The following TMEM178B variants were observed in gnomAD, a reference collection of about 807,000 sequenced individuals.
The protein encoded by TMEM178B is transmembrane protein 178B.
In TMEM178B, 5 loss-of-function variants were observed where a neutral mutation model predicts 31.0. The ratio of observed to expected loss-of-function variants is 0.16; its 90% CI spans 0.08 to 0.34. TMEM178B has a LOEUF of 0.34. TMEM178B is among the 10% of genes least tolerant of loss of function. The probability of loss-of-function intolerance (pLI) is 1.00; values close to 1 mark genes in which losing one functional copy is unlikely to be tolerated. For synonymous variants in TMEM178B, 164 were observed against 164.0 expected (o/e 1.00, Z 0.00); for missense variants, 275 against 400.3 (o/e 0.69, Z 2.67).
At chr7:141,173,278 C>T (rs969939342) in intron 1 of TMEM178B, 7 of 152,170 alleles carry the variant, frequency 4.6e-5, no homozygotes, top group African/African-American at 1.7e-4. Flanking sequence ...GTAAGCTCCT[C>T]GAAGGCAAGA....
chr7:141,142,909 G>A (rs915331702), intron 1 of TMEM178B, among the ~76,000 whole-genome samples: 3 of 152,184 alleles, frequency 2.0e-5, no homozygotes, highest in African/African-American at 7.2e-5. Context: ...TTTAATAGTA[G>A]CCATTCTGAG....
intron 2 of TMEM178B, among the ~76,000 whole-genome samples, chr7:141,329,932 G>A (rs1011999899): frequency 1.3e-5 from 2 of 152,194 alleles, no homozygotes; most frequent in Admixed American, 6.5e-5. Flanking sequence ...GTTAACGAAC[G>A]TGGTGGACAC....
intron 2 of TMEM178B, among the ~76,000 whole-genome samples, chr7:141,235,249 A>T (rs1335802762): frequency 6.6e-6 from 1 of 152,210 alleles, no homozygotes; most frequent in East Asian, 1.9e-4. Context: ...ATATGTTCTT[A>T]TATTAATAAT....
At chr7:141,345,659 A>G (rs1377718007) in intron 2 of TMEM178B, among the ~76,000 whole-genome samples, 2 of 152,222 alleles carry the variant, frequency 1.3e-5, no homozygotes, top group Non-Finnish European at 2.9e-5. Context: ...AAAATGCAAA[A>G]GGAGATCTCA....
intron 2 of TMEM178B, among the ~76,000 whole-genome samples, chr7:141,410,777 C>T (rs1800972076): frequency 6.6e-6 from 1 of 152,146 alleles, no homozygotes; most frequent in African/African-American, 2.4e-5. Flanking sequence ...ATCATGCAAT[C>T]TCTTGTTGCT....
chr7:141,266,554 G>T (rs1798097748), intron 2 of TMEM178B, among the ~76,000 whole-genome samples: 2 of 152,168 alleles, frequency 1.3e-5, no homozygotes. Context: ...CAAAGGTGTG[G>T]TTCCTGCAGG....
At chr7:141,208,247 G>T (rs904677904) in intron 1 of TMEM178B, among the ~76,000 whole-genome samples, 9 of 152,070 alleles carry the variant, frequency 5.9e-5, no homozygotes, top group African/African-American at 1.9e-4. Flanking sequence ...CCACAGGAAG[G>T]AGCCACCCCT....
chr7:141,409,549 T>C (rs562465346), intron 2 of TMEM178B, among the ~76,000 whole-genome samples: 178 of 152,246 alleles, frequency 1.2e-3, no homozygotes, highest in Non-Finnish European at 2.1e-3. Context: ...TCCACACATA[T>C]TTGGTATTTT....
At chr7:141,229,910 G>GT (rs2129191353) in intron 2 of TMEM178B, among the ~76,000 whole-genome samples, 1 of 152,302 alleles carries the variant, frequency 6.6e-6, no homozygotes, top group Non-Finnish European at 1.5e-5. Flanking sequence ...ACAAACTACT[G>GT]TTGTGGTGTA....
At chr7:141,109,078 A>G (rs1215808495) in intron 1 of TMEM178B, among the ~76,000 whole-genome samples, 1 of 152,176 alleles carries the variant, frequency 6.6e-6, no homozygotes, top group East Asian at 1.9e-4. Flanking sequence ...GACCGCCCCC[A>G]TGATTCAATT....
rs577968265 is a variant in TMEM178B at position 141,443,784 on chromosome 7, T to C, written c.634+6039T>C. On this transcript the variant is annotated intron_variant, in intron 3 of 3. Transcript: ENST00000565468. ...CTGTAGGATGGAGTAGCTATCTAATTTGGAATTCTTCTGCGTGGGAGGAGG... is the reference window on the plus strand; with the variant it reads ...CTGTAGGATGGAGTAGCTATCTAATCTGGAATTCTTCTGCGTGGGAGGAGG... Among the ~76,000 whole-genome samples, 155 of 152,306 alleles carry C rather than the reference T, an allele frequency of 1.0e-3. 2 individuals are homozygous for C. Among genetic ancestry groups the C allele is most frequent in the African/African-American group, 3.7e-3 (152 of 41,562 alleles).
chr7:141,158,840 C>T (rs1446026683), intron 1 of TMEM178B, among the ~76,000 whole-genome samples: 1 of 152,112 alleles, frequency 6.6e-6, no homozygotes, highest in Admixed American at 6.5e-5. Context: ...TGTCTTGGTC[C>T]TGTGGGTGAC....
At chr7:141,505,804 G>A in the TMEM178B span, among the ~76,000 whole-genome samples, 14 of 152,202 alleles carry the variant, frequency 9.2e-5, no homozygotes, top group Non-Finnish European at 8.8e-5. Context: ...CTCTGGCCTT[G>A]CAGAATTTCC....
intron 2 of TMEM178B, among the ~76,000 whole-genome samples, chr7:141,215,338 T>TTATTATTATTATTATTATTATTA (rs999641567): frequency 4.0e-5 from 1 of 24,928 alleles, no homozygotes; most frequent in African/African-American, 6.8e-5. Flanking sequence ...ATTATTATTA[T>TTATTATTATTATTATTATTATTA]TTTTTGAGAT....
chr7:141,208,258 G>C (rs1373357357), intron 1 of TMEM178B, among the ~76,000 whole-genome samples: 1 of 152,076 alleles, frequency 6.6e-6, no homozygotes, highest in Admixed American at 6.5e-5. Flanking sequence ...AGCCACCCCT[G>C]GGATCTCAAC....
chr7:141,105,092 C>T (rs185708399), intron 1 of TMEM178B, among the ~76,000 whole-genome samples: 1 of 152,072 alleles, frequency 6.6e-6, no homozygotes, highest in Non-Finnish European at 1.5e-5. Flanking sequence ...ACATGATGGA[C>T]GTGTGAGGTG....
intron 2 of TMEM178B, among the ~76,000 whole-genome samples, chr7:141,273,720 C>T (rs956900874): frequency 1.3e-5 from 2 of 152,198 alleles, no homozygotes; most frequent in African/African-American, 4.8e-5. Flanking sequence ...GGTCTGCCAG[C>T]ATTTCCCTTG....
intron 2 of TMEM178B, among the ~76,000 whole-genome samples, chr7:141,328,649 G>A (rs2116486543): frequency 6.6e-6 from 1 of 152,312 alleles, no homozygotes; most frequent in African/African-American, 2.4e-5. Context: ...TTGGCATGAA[G>A]CTTTCCTTCT....
rs117789862 is a variant in TMEM178B at position 141,234,859 on chromosome 7, T to C, written c.496+22155T>C. ...GTGGGAGGTGAATAATCTGAAACAG[T>C]GGGTGATACAAAAGGCATTTATATT... On this transcript the variant is annotated intron_variant, in intron 2 of 3. Coordinates refer to ENST00000565468, the MANE Select transcript of TMEM178B (RefSeq NM_001195278.2). Among the ~76,000 whole-genome samples the C allele has an allele frequency of 4.6e-3, 702 of 152,152 alleles. 3 individuals carry two copies. Among genetic ancestry groups the C allele is most frequent in the Non-Finnish European group, 7.9e-3 (540 of 67,978 alleles).
Sources: gnomAD v4.1 joint callset for allele counts (sites outside exome capture counted in the v4.1 genomes callset) on GRCh38, gnomAD v4.1.1 for gene constraint, MANE v1.5 for transcripts, NCBI Gene and HGNC (gene_info 2026-07-23, HGNC 2026-07-21) for gene names.